Variants in CSMD1 observed in about 807,000 individuals in gnomAD.
CSMD1 encodes CUB and sushi domain-containing protein 1.
In CSMD1, 213 loss-of-function variants were observed where a neutral mutation model predicts 417.5. That is an observed-to-expected ratio of 0.51 (90% CI 0.46 to 0.57). The LOEUF (loss-of-function observed/expected upper bound fraction) is 0.57. CSMD1 is among the 20% of genes least tolerant of loss of function. The pLI is 0.00. For synonymous variants in CSMD1, 2,862 were observed against 1,736.8 expected (o/e 1.65, Z -16.11); for missense variants, 6,923 against 4,529.7 (o/e 1.53, Z -15.17).
chr8:3,763,504 C>T (rs1326363082), intron 5 of CSMD1, among the ~76,000 whole-genome samples: 2 of 152,118 alleles, frequency 1.3e-5, no homozygotes, highest in Non-Finnish European at 2.9e-5. Context: ...TACCTGTGCC[C>T]ACTCTACCTT....
intron 3 of CSMD1, among the ~76,000 whole-genome samples, chr8:4,366,694 T>C (rs767840996): frequency 6.6e-6 from 1 of 151,972 alleles, no homozygotes. Flanking sequence ...TGAGCGTTTT[T>C]TCTTTTTCTT....
chr8:4,788,241 A>C, intron 1 of CSMD1: 1 of 1,587,448 alleles, frequency 6.3e-7, no homozygotes, highest in Non-Finnish European at 8.6e-7. Flanking sequence ...TGAAACTCTG[A>C]GGGTTAAAGC....
At chr8:4,222,183 C>T (rs1173647029) in intron 3 of CSMD1, among the ~76,000 whole-genome samples, 1 of 151,894 alleles carries the variant, frequency 6.6e-6, no homozygotes, top group Non-Finnish European at 1.5e-5. Flanking sequence ...TCTGTGTCTA[C>T]ACTCACAAGC....
At chr8:3,930,105 G>C (rs542528346) in intron 5 of CSMD1, among the ~76,000 whole-genome samples, 3 of 150,246 alleles carry the variant, frequency 2.0e-5, no homozygotes, top group African/African-American at 7.4e-5. Context: ...ATCTTTATTT[G>C]GTACTGGGAA....
At chr8:3,703,053 CG>C (rs1800956376) in intron 7 of CSMD1, among the ~76,000 whole-genome samples, 1 of 152,038 alleles carries the variant, frequency 6.6e-6, no homozygotes, top group Non-Finnish European at 1.5e-5. Flanking sequence ...ATATAAACCA[CG>C]TAATTATAAA....
chr8:3,618,846 C>T (rs375534391), intron 7 of CSMD1, among the ~76,000 whole-genome samples: 97 of 152,284 alleles, frequency 6.4e-4, no homozygotes, highest in African/African-American at 1.5e-3. Context: ...TGAGAGGAAG[C>T]GGCCCAGTGA....
intron 3 of CSMD1, among the ~76,000 whole-genome samples, chr8:4,134,810 A>C (rs1014835902): frequency 6.6e-6 from 1 of 152,200 alleles, no homozygotes; most frequent in Non-Finnish European, 1.5e-5. Context: ...ATTTTAACAC[A>C]AATTTTGTCC....
chr8:4,359,440 G>C (rs1217722961), intron 3 of CSMD1, among the ~76,000 whole-genome samples: 2 of 152,098 alleles, frequency 1.3e-5, no homozygotes, highest in East Asian at 1.9e-4. Context: ...ATTTTCTCGA[G>C]CAATTTAAAG....
chr8:3,881,529 C>A (rs773005810), intron 5 of CSMD1, among the ~76,000 whole-genome samples: 5 of 148,896 alleles, frequency 3.4e-5, no homozygotes, highest in South Asian at 2.1e-4. Flanking sequence ...CTCAGCTACT[C>A]AGGAGGCTGA....
At chr8:4,925,338 G>A (rs536542622) in intron 1 of CSMD1, among the ~76,000 whole-genome samples, 6 of 146,058 alleles carry the variant, frequency 4.1e-5, no homozygotes, top group African/African-American at 1.3e-4. Flanking sequence ...GGGGTCATGT[G>A]TTGTCACATG....
intron 5 of CSMD1, among the ~76,000 whole-genome samples, chr8:3,914,124 T>C (rs534056425): frequency 4.3e-4 from 65 of 152,304 alleles, no homozygotes; most frequent in African/African-American, 1.6e-3. Flanking sequence ...GTTAGAATTT[T>C]ATATGAATAG....
intron 3 of CSMD1, among the ~76,000 whole-genome samples, chr8:4,125,500 A>C (rs1802710753): frequency 6.6e-6 from 1 of 152,236 alleles, no homozygotes; most frequent in Non-Finnish European, 1.5e-5. Flanking sequence ...CACTGGGTAC[A>C]CGTCGGCCGG....
intron 5 of CSMD1, among the ~76,000 whole-genome samples, chr8:3,844,428 T>G (rs1351544305): frequency 6.6e-6 from 1 of 152,196 alleles, no homozygotes; most frequent in Admixed American, 6.5e-5. Flanking sequence ...CTAGAACCTT[T>G]ACACTATGAT....
At chr8:4,797,588 C>T (rs1056507959) in intron 1 of CSMD1, among the ~76,000 whole-genome samples, 1 of 152,028 alleles carries the variant, frequency 6.6e-6, no homozygotes, top group East Asian at 1.9e-4. Context: ...CGAAATTATT[C>T]CAGGGTATGG....
At chr8:3,054,075 G>C (rs1161514484) in intron 49 of CSMD1, among the ~76,000 whole-genome samples, 1 of 152,206 alleles carries the variant, frequency 6.6e-6, no homozygotes, top group African/African-American at 2.4e-5. Context: ...TGGCCAGAGA[G>C]CAAATCTTAT....
At chr8:3,751,963 T>C (rs533915869) in intron 6 of CSMD1, among the ~76,000 whole-genome samples, 17 of 152,326 alleles carry the variant, frequency 1.1e-4, no homozygotes, top group South Asian at 2.1e-4. Flanking sequence ...GACTTATGGT[T>C]ATGTTAAATC....
At chr8:3,863,338 A>C (rs1804850156) in intron 5 of CSMD1, among the ~76,000 whole-genome samples, 1 of 150,244 alleles carries the variant, frequency 6.7e-6, no homozygotes, top group Non-Finnish European at 1.5e-5. Flanking sequence ...TGGTGGTTGC[A>C]GGAGTTGAGA....
intron 52 of CSMD1, among the ~76,000 whole-genome samples, chr8:3,000,836 C>G (rs114782129): frequency 6.6e-6 from 1 of 152,214 alleles, no homozygotes; most frequent in East Asian, 1.9e-4. Flanking sequence ...AGCGCGAGAT[C>G]GCGACAGGCG....
chr8:4,408,868 AG>A, intron 3 of CSMD1, among the ~76,000 whole-genome samples: 1 of 152,328 alleles, frequency 6.6e-6, no homozygotes, highest in African/African-American at 2.4e-5. Flanking sequence ...ACTTACGTTT[AG>A]AAACACAGAT....
Sources: gnomAD v4.1 joint callset for allele counts (sites outside exome capture counted in the v4.1 genomes callset) on GRCh38, gnomAD v4.1.1 for gene constraint, MANE v1.5 for transcripts, NCBI Gene and HGNC (gene_info 2026-07-23, HGNC 2026-07-21) for gene names.